The following HSD17B3 variants were observed in gnomAD, a reference collection of about 807,000 sequenced individuals.
The protein encoded by HSD17B3 is 17-beta-hydroxysteroid dehydrogenase type 3.
A neutral mutation model predicts 41.1 loss-of-function variants in HSD17B3; 29 were observed. The ratio of observed to expected loss-of-function variants is 0.71; its 90% CI spans 0.53 to 0.96. The LOEUF (loss-of-function observed/expected upper bound fraction) is 0.96, where lower values mean the gene tolerates loss of function less well. Among genes scored for constraint, HSD17B3 ranks in the 40% least tolerant of loss-of-function variants. The probability of loss-of-function intolerance (pLI) is 0.00; values close to 1 mark genes in which losing one functional copy is unlikely to be tolerated. For missense variants in HSD17B3, 323 were observed against 374.6 expected, an observed-to-expected ratio of 0.86 and a Z score of 1.14; for synonymous variants, 126 against 145.6, an observed-to-expected ratio of 0.87 and a Z score of 0.97.
chr9:96,294,206 G>A (rs1181209643), intron 2 of HSD17B3, among the ~76,000 whole-genome samples: 2 of 151,836 alleles, frequency 1.3e-5, no homozygotes, highest in African/African-American at 4.8e-5. Context: ...CTTAAGCTTA[G>A]GAATTTGAGA....
chr9:96,251,519 A>G (rs1307761889), intron 4 of HSD17B3, 34 bp from the exon 5 acceptor site: 4 of 1,576,282 alleles, frequency 2.5e-6, no homozygotes, highest in Admixed American at 3.3e-5. Context: ...AATGTGTCAG[A>G]AGATCAGGTG....
intron 5 of HSD17B3, chr9:96,250,438 T>G (rs1217320388): frequency 9.4e-7 from 1 of 1,065,568 alleles, no homozygotes; most frequent in African/African-American, 1.6e-5. Flanking sequence ...AGTCTGGCAT[T>G]ATCACCCGGT....
chr9:96,240,312 G>A (rs1927883), intron 10 of HSD17B3, among the ~76,000 whole-genome samples: 93,480 of 152,084 alleles, frequency 0.61, 28,915 homozygotes, highest in East Asian at 0.82. Context: ...CGTCATGTCC[G>A]TGGCTTAAAC....
At chr9:96,257,535 C>A (rs1360959965) in intron 2 of HSD17B3, among the ~76,000 whole-genome samples, 1 of 152,076 alleles carries the variant, frequency 6.6e-6, no homozygotes. Flanking sequence ...ATATAAATGA[C>A]ATTATAAGCA....
chr9:96,267,865 T>G (rs928953795), intron 2 of HSD17B3, among the ~76,000 whole-genome samples: 1 of 152,178 alleles, frequency 6.6e-6, no homozygotes, highest in Non-Finnish European at 1.5e-5. Flanking sequence ...CACCCTGCTC[T>G]GTGGGGCAAC....
At chr9:96,259,990 C>T (rs984365104) in intron 2 of HSD17B3, among the ~76,000 whole-genome samples, 1 of 152,102 alleles carries the variant, frequency 6.6e-6, no homozygotes, top group Non-Finnish European at 1.5e-5. Flanking sequence ...TGGCAGACAC[C>T]TCCTATACAA....
chr9:96,281,700 G>C (rs1453375135), intron 2 of HSD17B3, among the ~76,000 whole-genome samples: 1 of 152,012 alleles, frequency 6.6e-6, no homozygotes, highest in African/African-American at 2.4e-5. Context: ...TGTGGTACAC[G>C]GGGAACTTTT....
chr9:96,278,222 T>C (rs1826552213), intron 2 of HSD17B3, among the ~76,000 whole-genome samples: 1 of 152,180 alleles, frequency 6.6e-6, no homozygotes, highest in Non-Finnish European at 1.5e-5. Context: ...TATTATATGC[T>C]TGAAATTTGC....
At chr9:96,259,725 G>GA (rs11410872) in intron 2 of HSD17B3, among the ~76,000 whole-genome samples, 82,849 of 147,262 alleles carry the variant, frequency 0.56, 24,097 homozygotes, top group African/African-American at 0.74. Flanking sequence ...CGTCTCAAAA[G>GA]AAAAAAAAAA....
chr9:96,285,304 C>G (rs1486376619), intron 2 of HSD17B3, among the ~76,000 whole-genome samples: 2 of 152,106 alleles, frequency 1.3e-5, no homozygotes, highest in Non-Finnish European at 2.9e-5. Flanking sequence ...AACTATGGTA[C>G]ACGTGTATCA....
At position 96,238,120 on chromosome 9, in the gene HSD17B3, T is replaced by C. The variant is rs1044437028; in HGVS notation, c.823-2550A>G. On this transcript the variant is annotated intron_variant, in intron 10 of 10. Transcript: ENST00000375263. The stretch of plus-strand genomic sequence containing the variant: ...GCACTGCACTCCAGCCTGGGCAACA[T>C]GGCTATGTCAAAATTAAATAAAATA... Among the ~76,000 whole-genome samples, 79 of 151,538 alleles carry C rather than the reference T, an allele frequency of 5.2e-4. 1 individual carries two copies. Among genetic ancestry groups the C allele is most frequent in the East Asian group, 2.0e-4 (1 of 5,068 alleles).
At chr9:96,244,294 G>A in intron 9 of HSD17B3, 35 bp downstream of exon 9, 3 of 1,608,000 alleles carry the variant, frequency 1.9e-6, no homozygotes, top group South Asian at 2.2e-5. Context: ...ACCTCACCTG[G>A]ATGATGACAA....
chr9:96,252,786 T>A lies in HSD17B3; in HGVS notation c.385+17A>T. 7.8e-7 allele frequency: 1 copy of A among 1,278,984 alleles called. No individual in the cohort carries two copies. The highest frequency in any genetic ancestry group is 1.1e-6 in the Non-Finnish European group (1 of 874,144). 79.2% of individuals were successfully genotyped at this position (1,278,984 alleles called of 1,614,324 possible). On this transcript the variant is annotated intron_variant, in intron 4 of 10. Coordinates refer to ENST00000375263, the MANE Select transcript of HSD17B3 (RefSeq NM_000197.2). ...CTGATGTATGACAACAAGCTTTGCA[T>A]CTTGCAATTTACTCACCTAAAATTC...
At chr9:96,275,140 C>T (rs146118747) in intron 2 of HSD17B3, among the ~76,000 whole-genome samples, 22 of 151,890 alleles carry the variant, frequency 1.4e-4, no homozygotes, top group Admixed American at 1.4e-3. Flanking sequence ...GCACAATTAT[C>T]CTCTTTAAAT....
At position 96,293,734 on chromosome 9, in the gene HSD17B3, A is replaced by T. The variant is rs555893479; in HGVS notation, c.201+4682T>A. On this transcript the variant is annotated intron_variant, in intron 2 of 10. Transcript: ENST00000375263. ...GAGAACCATGACTAATACATTCTCA[A>T]AAAATAAAAAAAGCCGTATATGTGA... is the stretch of plus-strand genomic sequence containing the variant. Among the ~76,000 whole-genome samples, 4 of 152,256 alleles carry T rather than the reference A, an allele frequency of 2.6e-5. No individual in the cohort carries two copies. The East Asian group carries it at 7.7e-4, about 29-fold the overall frequency.
intron 6 of HSD17B3, among the ~76,000 whole-genome samples, chr9:96,247,046 C>G (rs542397008): frequency 2.0e-5 from 3 of 152,174 alleles, no homozygotes. Flanking sequence ...CAACCGCTTA[C>G]GCAGCCTGCA....
At chr9:96,276,173 A>T (rs528561636) in intron 2 of HSD17B3, among the ~76,000 whole-genome samples, 1 of 151,908 alleles carries the variant, frequency 6.6e-6, no homozygotes, top group Admixed American at 6.6e-5. Context: ...AGCAACAAAA[A>T]GAAGAAAATA....
At chr9:96,236,387 C>T (rs1836239647) in intron 10 of HSD17B3, among the ~76,000 whole-genome samples, 1 of 151,800 alleles carries the variant, frequency 6.6e-6, no homozygotes, top group Admixed American at 6.6e-5. Context: ...CATGGTGGCG[C>T]ATGCCTGTAG....
At chr9:96,269,909 G>GAA (rs59947729) in intron 2 of HSD17B3, among the ~76,000 whole-genome samples, 47 of 103,898 alleles carry the variant, frequency 4.5e-4, no homozygotes, top group African/African-American at 1.6e-3. Flanking sequence ...ATCTTAAAAA[G>GAA]AAAAAAAAAA....
Sources: gnomAD v4.1 joint callset for allele counts (sites outside exome capture counted in the v4.1 genomes callset) on GRCh38, gnomAD v4.1.1 for gene constraint, MANE v1.5 for transcripts, NCBI Gene and HGNC (gene_info 2026-07-23, HGNC 2026-07-21) for gene names.